Variants in CHRM3 observed in about 807,000 individuals in gnomAD.
The protein encoded by CHRM3 is muscarinic acetylcholine receptor M3.
Under a neutral mutation model 41.8 loss-of-function variants are expected in CHRM3, and 11 were observed. The observed-to-expected ratio is 0.26, with a 90% CI of 0.17 to 0.44. The LOEUF (loss-of-function observed/expected upper bound fraction) is 0.44. Among genes scored for constraint, CHRM3 ranks in the 20% least tolerant of loss-of-function variants. The pLI is 1.00. For synonymous variants in CHRM3, 297 were observed against 301.4 expected (o/e 0.99, Z 0.15); for missense variants, 571 against 745.4 (o/e 0.77, Z 2.72).
chr1:239,552,680 G>A (rs1307530804), intron 3 of CHRM3, among the ~76,000 whole-genome samples: 2 of 148,128 alleles, frequency 1.4e-5, no homozygotes, highest in East Asian at 4.0e-4. Context: ...TTGTAGAGAC[G>A]GGGTTTCACT....
chr1:239,434,736 T>C (rs1164318462), intron 1 of CHRM3, among the ~76,000 whole-genome samples: 1 of 152,000 alleles, frequency 6.6e-6, no homozygotes, highest in Non-Finnish European at 1.5e-5. Flanking sequence ...TATGCTAGCA[T>C]AATTGCTTGG....
At chr1:239,561,610 A>G (rs892731725) in intron 3 of CHRM3, among the ~76,000 whole-genome samples, 1 of 151,780 alleles carries the variant, frequency 6.6e-6, no homozygotes, top group Non-Finnish European at 1.5e-5. Flanking sequence ...GATAATAGTA[A>G]TAGTATCTAT....
At chr1:239,426,695 G>A (rs144024057) in intron 1 of CHRM3, among the ~76,000 whole-genome samples, 3 of 152,178 alleles carry the variant, frequency 2.0e-5, no homozygotes, top group African/African-American at 7.2e-5. Flanking sequence ...ACACTTACTG[G>A]TTCATATATC....
chr1:239,617,282 C>T (rs1163060349), intron 3 of CHRM3, among the ~76,000 whole-genome samples: 1 of 152,086 alleles, frequency 6.6e-6, no homozygotes, highest in East Asian at 1.9e-4. Flanking sequence ...TTGTGGAGCC[C>T]TCGGACATCC....
intron 6 of CHRM3, among the ~76,000 whole-genome samples, chr1:239,854,701 T>C (rs1674965331): frequency 6.6e-6 from 1 of 152,110 alleles, no homozygotes; most frequent in African/African-American, 2.4e-5. Context: ...AGAAATACAC[T>C]TACAAAAGTT....
At chr1:239,621,368 G>T (rs558622432) in intron 3 of CHRM3, among the ~76,000 whole-genome samples, 12 of 152,132 alleles carry the variant, frequency 7.9e-5, no homozygotes, top group Non-Finnish European at 1.5e-4. Context: ...GTGTTCAAGT[G>T]AAAGGAAGAG....
At chr1:239,645,308 A>T (rs999487985) in intron 4 of CHRM3, among the ~76,000 whole-genome samples, 2 of 152,224 alleles carry the variant, frequency 1.3e-5, no homozygotes, top group Non-Finnish European at 2.9e-5. Flanking sequence ...GCACTGTGGG[A>T]CAATATGTAG....
intron 5 of CHRM3, among the ~76,000 whole-genome samples, chr1:239,798,631 A>C (rs997542931): frequency 2.0e-5 from 3 of 152,150 alleles, no homozygotes; most frequent in African/African-American, 7.2e-5. Context: ...CAAACTTCTC[A>C]ACACTGTACT....
chr1:239,553,480 A>G (rs1296162621), intron 3 of CHRM3, among the ~76,000 whole-genome samples: 1 of 152,088 alleles, frequency 6.6e-6, no homozygotes. Flanking sequence ...CATTTTTAAG[A>G]TTGAAAATTT....
At chr1:239,801,084 AG>A (rs1213828638) in intron 5 of CHRM3, among the ~76,000 whole-genome samples, 1 of 152,198 alleles carries the variant, frequency 6.6e-6, no homozygotes, top group East Asian at 1.9e-4. Flanking sequence ...GCCTGATTGT[AG>A]TACTGATGAC....
intron 5 of CHRM3, among the ~76,000 whole-genome samples, chr1:239,716,453 G>A (rs1457121761): frequency 2.0e-5 from 3 of 152,066 alleles, no homozygotes; most frequent in East Asian, 3.9e-4. Context: ...GTTGATAATC[G>A]AAAAGGGCAT....
intron 5 of CHRM3, among the ~76,000 whole-genome samples, chr1:239,700,182 A>G (rs536269817): frequency 6.6e-6 from 1 of 152,288 alleles, no homozygotes; most frequent in South Asian, 2.1e-4. Flanking sequence ...TCGAGGTACC[A>G]GTGTTCCCTT....
At chr1:239,865,160 G>A (rs1451407512) in intron 6 of CHRM3, among the ~76,000 whole-genome samples, 1 of 152,194 alleles carries the variant, frequency 6.6e-6, no homozygotes, top group Non-Finnish European at 1.5e-5. Context: ...GAATCTCCTT[G>A]TAAAGGAACA....
chr1:239,618,944 T>G (rs1668048461), intron 3 of CHRM3, among the ~76,000 whole-genome samples: 1 of 151,272 alleles, frequency 6.6e-6, no homozygotes, highest in Non-Finnish European at 1.5e-5. Flanking sequence ...AGATGGAATC[T>G]CACTCTGTCG....
chr1:239,783,624 A>G (rs1668669486), intron 5 of CHRM3, among the ~76,000 whole-genome samples: 1 of 152,234 alleles, frequency 6.6e-6, no homozygotes, highest in African/African-American at 2.4e-5. Context: ...CTGAGAACTG[A>G]ACAAGATTAA....
At chr1:239,388,834 G>A (rs758665304) in intron 1 of CHRM3, among the ~76,000 whole-genome samples, 2 of 152,176 alleles carry the variant, frequency 1.3e-5, no homozygotes, top group South Asian at 2.1e-4. Context: ...CCGCCGAATA[G>A]TCTATCTTTA....
intron 4 of CHRM3, among the ~76,000 whole-genome samples, chr1:239,643,891 G>C (rs1466301688): frequency 1.3e-5 from 2 of 152,182 alleles, no homozygotes; most frequent in South Asian, 2.1e-4. Context: ...GACTGGAGCT[G>C]TTCCTATTCG....
intron 6 of CHRM3, among the ~76,000 whole-genome samples, chr1:239,888,582 A>G (rs1678266639): frequency 6.8e-6 from 1 of 146,686 alleles, no homozygotes; most frequent in African/African-American, 2.5e-5. Context: ...TGGGCCAGAG[A>G]GTGAGACCCT....
chr1:239,864,213 G>C (rs1572524591), intron 6 of CHRM3, among the ~76,000 whole-genome samples: 1 of 151,990 alleles, frequency 6.6e-6, no homozygotes, highest in Non-Finnish European at 1.5e-5. Flanking sequence ...AACTCTGAAA[G>C]GTATATGTAT....
Sources: gnomAD v4.1 joint callset for allele counts (sites outside exome capture counted in the v4.1 genomes callset) on GRCh38, gnomAD v4.1.1 for gene constraint, MANE v1.5 for transcripts, NCBI Gene and HGNC (gene_info 2026-07-23, HGNC 2026-07-21) for gene names.